SOX6: variants seen among roughly 807,000 people sequenced by gnomAD.
SOX6 encodes the protein transcription factor SOX-6.
SOX6 carries 11 observed loss-of-function variants against 97.8 expected under a neutral mutation model. The ratio of observed to expected loss-of-function variants is 0.11; its 90% CI spans 0.07 to 0.19. The LOEUF is 0.19. Ranked by LOEUF, SOX6 falls within the 10% of genes least tolerant of loss-of-function variation. SOX6 has a pLI of 1.00. For missense variants in SOX6, 810 were observed against 1,039.5 expected (o/e 0.78, Z 3.04); for synonymous variants, 360 against 371.4 (o/e 0.97, Z 0.35).
Position 15,972,974 on chromosome 11 carries a change from C to A in SOX6, c.2322G>T (p.Pro774=). ...STSASPEPSL[P]VIQSTYGMKT... is the part of the protein sequence containing the mutation. ...TCATACCATAAGTGCTCTGGATGAC[C>A]GGGAGGCTGGGCTCCGGGCTGGCCG... The change falls in exon 16 of 16, where the codon CCG becomes CCT. Residue 774 remains proline, a synonymous_variant. Transcript: ENST00000683767. 1 of 1,614,180 alleles carries A rather than the reference C, an allele frequency of 6.2e-7. No homozygotes were observed. The highest frequency in any genetic ancestry group is 8.5e-7 in the Non-Finnish European group (1 of 1,180,028).
intron 15 of SOX6, among the ~76,000 whole-genome samples, chr11:15,980,226 G>A (rs1351121932): frequency 4.6e-5 from 7 of 152,014 alleles, no homozygotes; most frequent in South Asian, 4.1e-4. Context: ...TGCAAAGTAG[G>A]AGGAAGGAAG....
chr11:16,430,847 T>C (rs1355015028), intron 1 of SOX6, among the ~76,000 whole-genome samples: 1 of 152,176 alleles, frequency 6.6e-6, no homozygotes, highest in Non-Finnish European at 1.5e-5. Flanking sequence ...AGTCAGACCA[T>C]GTCACTTTTC....
intron 1 of SOX6, among the ~76,000 whole-genome samples, chr11:16,423,885 A>C (rs1162541704): frequency 1.3e-5 from 2 of 152,234 alleles, no homozygotes; most frequent in African/African-American, 2.4e-5. Flanking sequence ...TTATAAGCAG[A>C]AAAAAGTAGA....
At chr11:16,536,491 G>A (rs1383122898) in intron 4 of SOX6, among the ~76,000 whole-genome samples, 1 of 152,196 alleles carries the variant, frequency 6.6e-6, no homozygotes, top group Non-Finnish European at 1.5e-5. Flanking sequence ...AGCTGAAGAA[G>A]GGCGGGGCAT....
chr11:16,116,169 T>C (rs536256447), intron 6 of SOX6, among the ~76,000 whole-genome samples: 2 of 152,306 alleles, frequency 1.3e-5, no homozygotes, highest in South Asian at 4.1e-4. Context: ...TTATGTCTAA[T>C]TACATAAGTA....
intron 6 of SOX6, among the ~76,000 whole-genome samples, chr11:16,134,330 G>C (rs1163750395): frequency 6.6e-6 from 1 of 152,184 alleles, no homozygotes; most frequent in Non-Finnish European, 1.5e-5. Flanking sequence ...CTGGGGCCCT[G>C]GGCCACGTTG....
At chr11:16,061,462 A>G (rs1241544270) in intron 9 of SOX6, among the ~76,000 whole-genome samples, 2 of 151,766 alleles carry the variant, frequency 1.3e-5, no homozygotes, top group Admixed American at 6.6e-5. Flanking sequence ...AAATGACCAT[A>G]CTGCCCCCAA....
chr11:16,160,019 A>G lies in SOX6; in HGVS notation c.777+23867T>C, dbSNP rs907576695. Among the ~76,000 whole-genome samples, 4 of 152,260 alleles carry G rather than the reference A, an allele frequency of 2.6e-5. No individual in the cohort carries two copies. In the South Asian group the frequency reaches 6.2e-4, roughly 24 times the overall value. On this transcript the variant is annotated intron_variant, in intron 6 of 15. Coordinates refer to ENST00000683767, the MANE Select transcript of SOX6 (RefSeq NM_001367873.1). ...TGCAGGCCTCAATGGTATTGGCAAG[A>G]CCTGATAAAATTGCCTTAGCATAAT...
At chr11:16,164,483 C>A (rs1163145373) in intron 6 of SOX6, among the ~76,000 whole-genome samples, 1 of 152,098 alleles carries the variant, frequency 6.6e-6, no homozygotes, top group Non-Finnish European at 1.5e-5. Flanking sequence ...CAACTGTTCT[C>A]GCATTTTAAA....
chr11:16,282,226 G>A (rs2095183333), intron 3 of SOX6, among the ~76,000 whole-genome samples: 2 of 150,658 alleles, frequency 1.3e-5, no homozygotes, highest in Non-Finnish European at 3.0e-5. Context: ...TTGAGGTGAA[G>A]AGATGCAATC....
At chr11:16,135,808 A>G (rs982228055) in intron 6 of SOX6, among the ~76,000 whole-genome samples, 2 of 152,228 alleles carry the variant, frequency 1.3e-5, no homozygotes, top group Non-Finnish European at 2.9e-5. Context: ...GGATTGAAAG[A>G]TGTTCTACTG....
chr11:16,446,098 G>T (rs1240194614), intron 1 of SOX6, among the ~76,000 whole-genome samples: 1 of 151,966 alleles, frequency 6.6e-6, no homozygotes, highest in Non-Finnish European at 1.5e-5. Context: ...CCAAAACAAG[G>T]TCCAGTAGCA....
intron 6 of SOX6, among the ~76,000 whole-genome samples, chr11:16,132,824 C>T (rs1053624526): frequency 8.6e-5 from 13 of 151,840 alleles, no homozygotes; most frequent in African/African-American, 2.9e-4. Context: ...GTACTGCAAA[C>T]CTGAGCAGCC....
At chr11:16,351,729 C>T (rs1331199521) in intron 1 of SOX6, among the ~76,000 whole-genome samples, 1 of 151,990 alleles carries the variant, frequency 6.6e-6, no homozygotes, top group Non-Finnish European at 1.5e-5. Flanking sequence ...GAGACTATTC[C>T]AGTTAACTAC....
At chr11:16,253,363 A>G (rs1391099075) in intron 3 of SOX6, among the ~76,000 whole-genome samples, 1 of 151,996 alleles carries the variant, frequency 6.6e-6, no homozygotes, top group Admixed American at 6.6e-5. Context: ...AAAAAAAGAA[A>G]CTGAACAAGC....
intron 6 of SOX6, among the ~76,000 whole-genome samples, chr11:16,155,202 G>A (rs1850565771): frequency 6.6e-6 from 1 of 152,084 alleles, no homozygotes; most frequent in African/African-American, 2.4e-5. Flanking sequence ...TTAGGATCCA[G>A]GGCTCTAGAT....
chr11:16,481,263 T>C (rs946331573), upstream of SOX6, among the ~76,000 whole-genome samples: 1 of 152,174 alleles, frequency 6.6e-6, no homozygotes, highest in Non-Finnish European at 1.5e-5. Context: ...CTATAAATAA[T>C]AAAATGTGAA....
At chr11:16,287,633 T>C (rs1278291654) in intron 3 of SOX6, among the ~76,000 whole-genome samples, 1 of 152,108 alleles carries the variant, frequency 6.6e-6, no homozygotes, top group Non-Finnish European at 1.5e-5. Flanking sequence ...ATTTCTAGAA[T>C]AGCATAAGAG....
intron 3 of SOX6, among the ~76,000 whole-genome samples, chr11:16,297,998 G>A (rs1336646943): frequency 1.3e-5 from 2 of 152,008 alleles, no homozygotes; most frequent in South Asian, 2.1e-4. Flanking sequence ...TTCTTTAAAT[G>A]AATTCAGTAG....
Sources: gnomAD v4.1 joint callset for allele counts (sites outside exome capture counted in the v4.1 genomes callset) on GRCh38, gnomAD v4.1.1 for gene constraint, MANE v1.5 for transcripts, NCBI Gene and HGNC (gene_info 2026-07-23, HGNC 2026-07-21) for gene names.